The following MAGI1 variants were observed in gnomAD, a reference collection of about 807,000 sequenced individuals.
MAGI1 encodes the protein membrane-associated guanylate kinase, WW and PDZ domain-containing protein 1.
A neutral mutation model predicts 139.9 loss-of-function variants in MAGI1; 58 were observed. The ratio of observed to expected loss-of-function variants is 0.41; its 90% CI spans 0.34 to 0.52. The LOEUF is 0.52. MAGI1 is among the 20% of genes least tolerant of loss of function. The pLI, the probability that MAGI1 is intolerant of heterozygous loss-of-function variation, is 0.12. For synonymous variants in MAGI1, 812 were observed against 737.9 expected (o/e 1.10, Z -1.63); for missense variants, 1,874 against 1,901.6 (o/e 0.99, Z 0.27).
At chr3:65,497,632 T>G (rs929336311) in intron 2 of MAGI1, among the ~76,000 whole-genome samples, 3 of 152,220 alleles carry the variant, frequency 2.0e-5, no homozygotes, top group African/African-American at 7.2e-5. Flanking sequence ...AGTTTCATAG[T>G]CTTGCCAAAC....
At chr3:65,918,099 C>T (rs530486037) in intron 1 of MAGI1, among the ~76,000 whole-genome samples, 2 of 151,800 alleles carry the variant, frequency 1.3e-5, no homozygotes, top group South Asian at 4.2e-4. Flanking sequence ...CTAACGAAGT[C>T]TATTGTTTTT....
intron 1 of MAGI1, among the ~76,000 whole-genome samples, chr3:65,723,898 T>C (rs1316590028): frequency 2.0e-5 from 3 of 152,168 alleles, no homozygotes; most frequent in Admixed American, 6.5e-5. Flanking sequence ...CAAGAGAACT[T>C]TGTGTGGAAA....
intron 3 of MAGI1, among the ~76,000 whole-genome samples, chr3:65,486,462 A>C (rs1951643346): frequency 6.6e-6 from 1 of 152,186 alleles, no homozygotes; most frequent in African/African-American, 2.4e-5. Context: ...CCTGTCTTGC[A>C]GAGCAAAAAT....
rs75006779 is a variant in MAGI1, at chr3:65,892,126, T to C, written c.313+145870A>G. ...GAGTCTCTGAAATAGCTATTCCCCA[T>C]CCTTAATTATGTAACACATAACACG... On this transcript the variant is annotated intron_variant, in intron 1 of 22. Coordinates refer to ENST00000402939, the MANE Select transcript of MAGI1 (RefSeq NM_001033057.2). 3.4e-3 allele frequency among the ~76,000 whole-genome samples: 510 copies of C among 151,620 alleles called. 24 individuals carry two copies. In the East Asian group the frequency reaches 0.081, roughly 24 times the overall value.
At chr3:65,485,270 C>T (rs1951555125) in intron 3 of MAGI1, among the ~76,000 whole-genome samples, 1 of 152,130 alleles carries the variant, frequency 6.6e-6, no homozygotes, top group Admixed American at 6.5e-5. Context: ...CCTTTTCCTA[C>T]CTGCCCCACC....
At chr3:65,982,559 A>C (rs1480773722) in intron 1 of MAGI1, among the ~76,000 whole-genome samples, 1 of 152,206 alleles carries the variant, frequency 6.6e-6, no homozygotes, top group Non-Finnish European at 1.5e-5. Flanking sequence ...TACCTAATAA[A>C]TCAATGCTTT....
At chr3:65,875,536 A>G (rs1307624415) in intron 1 of MAGI1, among the ~76,000 whole-genome samples, 4 of 152,204 alleles carry the variant, frequency 2.6e-5, no homozygotes, top group Non-Finnish European at 5.9e-5. Flanking sequence ...ACACATGACT[A>G]TGACCAATGT....
intron 2 of MAGI1, among the ~76,000 whole-genome samples, chr3:65,570,073 C>T (rs4342052): frequency 3.6e-4 from 49 of 136,362 alleles, no homozygotes; most frequent in African/African-American, 1.2e-3. Flanking sequence ...TCTTTATTAT[C>T]ATTATTATTA....
At chr3:65,663,620 C>A (rs1406674537) in intron 1 of MAGI1, among the ~76,000 whole-genome samples, 1 of 152,114 alleles carries the variant, frequency 6.6e-6, no homozygotes, top group East Asian at 1.9e-4. Context: ...ACTGGGTATC[C>A]ATTCCTGTGC....
intron 2 of MAGI1, among the ~76,000 whole-genome samples, chr3:65,566,755 C>T (rs1184071234): frequency 6.6e-6 from 1 of 152,148 alleles, no homozygotes; most frequent in Non-Finnish European, 1.5e-5. Flanking sequence ...CTTCTGAAAG[C>T]AGACAAAACT....
intron 1 of MAGI1, among the ~76,000 whole-genome samples, chr3:66,011,258 C>T (rs1226631084): frequency 3.3e-5 from 5 of 152,168 alleles, no homozygotes; most frequent in South Asian, 2.1e-4. Flanking sequence ...TGAAAGGGAA[C>T]GGCCCAAGTA....
intron 2 of MAGI1, among the ~76,000 whole-genome samples, chr3:65,617,278 AAAAG>A (rs2083427826): frequency 6.6e-6 from 1 of 152,198 alleles, no homozygotes; most frequent in African/African-American, 2.4e-5. Flanking sequence ...CCTTTGCTTG[AAAAG>A]AAAGATGACA....
intron 1 of MAGI1, among the ~76,000 whole-genome samples, chr3:65,900,596 C>A (rs1246388159): frequency 6.6e-6 from 1 of 152,046 alleles, no homozygotes; most frequent in East Asian, 1.9e-4. Context: ...TTGAAATTGG[C>A]GTGAAGAGGG....
At chr3:65,641,330 C>T (rs1559747157) in intron 1 of MAGI1, among the ~76,000 whole-genome samples, 1 of 152,190 alleles carries the variant, frequency 6.6e-6, no homozygotes, top group Non-Finnish European at 1.5e-5. Context: ...CTTCAATGAA[C>T]ACTGAAATCA....
chr3:65,909,958 G>C (rs2061591316), intron 1 of MAGI1, among the ~76,000 whole-genome samples: 1 of 152,138 alleles, frequency 6.6e-6, no homozygotes, highest in African/African-American at 2.4e-5. Flanking sequence ...CGCACAACTA[G>C]ATCCCTCACA....
At chr3:65,647,891 A>T (rs1009946287) in intron 1 of MAGI1, among the ~76,000 whole-genome samples, 1 of 152,204 alleles carries the variant, frequency 6.6e-6, no homozygotes, top group Non-Finnish European at 1.5e-5. Context: ...TTGGGACAGC[A>T]CAAGGCTCTC....
chr3:65,792,881 C>T (rs1032544980), intron 1 of MAGI1, among the ~76,000 whole-genome samples: 1 of 152,012 alleles, frequency 6.6e-6, no homozygotes, highest in African/African-American at 2.4e-5. Flanking sequence ...TGGATTGGCG[C>T]GGGGGAGGGC....
intron 1 of MAGI1, among the ~76,000 whole-genome samples, chr3:65,726,504 G>A (rs2033622933): frequency 6.6e-6 from 1 of 152,118 alleles, no homozygotes; most frequent in Non-Finnish European, 1.5e-5. Context: ...CCCTATTTTT[G>A]TGGTTATGTT....
At chr3:65,686,538 G>T (rs909101865) in intron 1 of MAGI1, among the ~76,000 whole-genome samples, 1 of 152,054 alleles carries the variant, frequency 6.6e-6, no homozygotes, top group African/African-American at 2.4e-5. Context: ...TGATACTCCC[G>T]CCTTGGCCTC....
Sources: gnomAD v4.1 joint callset for allele counts (sites outside exome capture counted in the v4.1 genomes callset) on GRCh38, gnomAD v4.1.1 for gene constraint, MANE v1.5 for transcripts, NCBI Gene and HGNC (gene_info 2026-07-23, HGNC 2026-07-21) for gene names.